CNTNAP4: variants seen among roughly 807,000 people sequenced by gnomAD.
CNTNAP4 encodes the protein contactin associated protein family member 4.
In CNTNAP4, 98 loss-of-function variants were observed where a neutral mutation model predicts 148.4. The observed-to-expected ratio is 0.66, with a 90% CI of 0.56 to 0.78. The LOEUF (loss-of-function observed/expected upper bound fraction) is 0.78. CNTNAP4 is among the 30% of genes least tolerant of loss of function. The pLI is 0.00. For synonymous variants in CNTNAP4, 730 were observed against 565.1 expected (o/e 1.29, Z -4.14); for missense variants, 1,935 against 1,565.6 (o/e 1.24, Z -3.98).
intron 3 of CNTNAP4, among the ~76,000 whole-genome samples, chr16:76,370,671 C>G (rs950060331): frequency 1.3e-5 from 2 of 152,102 alleles, no homozygotes; most frequent in African/African-American, 4.8e-5. Flanking sequence ...ATGAGGACAG[C>G]CTGAAGAAGG....
At chr16:76,473,681 G>A (rs1246309551) in intron 10 of CNTNAP4, among the ~76,000 whole-genome samples, 1 of 152,214 alleles carries the variant, frequency 6.6e-6, no homozygotes, top group South Asian at 2.1e-4. Context: ...GGCTGAGGCA[G>A]GAGAATGGCA....
intron 3 of CNTNAP4, among the ~76,000 whole-genome samples, chr16:76,397,797 T>TTGTGTGTGTG (rs10687638): frequency 6.9e-5 from 10 of 144,204 alleles, no homozygotes; most frequent in African/African-American, 2.3e-4. Flanking sequence ...GTGCATGTGT[T>TTGTGTGTGTG]TGTGTGTGTG....
chr16:76,383,165 A>G (rs2016164006), intron 3 of CNTNAP4, among the ~76,000 whole-genome samples: 2 of 151,910 alleles, frequency 1.3e-5, no homozygotes, highest in African/African-American at 2.4e-5. Context: ...ATATTTAATG[A>G]AAGAAACTTT....
intron 2 of CNTNAP4, among the ~76,000 whole-genome samples, chr16:76,353,978 A>G (rs1014187013): frequency 4.6e-5 from 7 of 152,190 alleles, no homozygotes; most frequent in African/African-American, 1.7e-4. Flanking sequence ...TGGGTCATGT[A>G]TGCCAAGAAT....
At chr16:76,469,433 C>G (rs1448850975) in intron 10 of CNTNAP4, 2 of 152,204 alleles carry the variant, frequency 1.3e-5, no homozygotes, top group Admixed American at 6.5e-5. Flanking sequence ...AGGAGACTTG[C>G]TTACAGAGCA....
chr16:76,475,540 G>A (rs975031056), intron 10 of CNTNAP4, among the ~76,000 whole-genome samples: 2 of 152,144 alleles, frequency 1.3e-5, no homozygotes, highest in African/African-American at 4.8e-5. Context: ...GTATTCCTCT[G>A]TCTTCCTTTT....
In CNTNAP4 at chr16:76,467,466, A is replaced by G. The variant is rs774205500; in HGVS notation, c.1598A>G (p.Gln533Arg). The change falls in exon 10 of 24, where the codon CAG (glutamine) becomes CGG (arginine). Residue 533 changes from glutamine to arginine, a missense_variant. By Grantham distance (43) the Gln-to-Arg change is conservative. Coordinates refer to ENST00000611870, the MANE Select transcript of CNTNAP4 (RefSeq NM_033401.5). ...GKVVDLISVQ[Q>R]GSLGNFSDLQ... Reference sequence around the variant, plus strand: ...GTGGTAGATCTGATTTCAGTTCAGCAGGGGTCCCTTGGGAACTTCAGTGAC... The same window carrying G: ...GTGGTAGATCTGATTTCAGTTCAGCGGGGGTCCCTTGGGAACTTCAGTGAC... The G allele has an allele frequency of 2.8e-5, 45 of 1,613,778 alleles. No homozygotes were observed. The East Asian group carries it at 1.0e-3, about 36-fold the overall frequency.
intron 2 of CNTNAP4, among the ~76,000 whole-genome samples, chr16:76,353,639 C>A (rs1053580375): frequency 3.3e-5 from 5 of 152,068 alleles, no homozygotes; most frequent in African/African-American, 1.2e-4. Flanking sequence ...CCCACCAAGC[C>A]TAGCTAGCTA....
intron 3 of CNTNAP4, among the ~76,000 whole-genome samples, chr16:76,369,740 G>T (rs1441254370): frequency 6.6e-6 from 1 of 152,176 alleles, no homozygotes; most frequent in African/African-American, 2.4e-5. Context: ...TACTCAGGAG[G>T]CTGAGGCAGG....
intron 3 of CNTNAP4, among the ~76,000 whole-genome samples, chr16:76,392,115 T>G (rs1567976746): frequency 6.6e-6 from 1 of 152,122 alleles, no homozygotes; most frequent in Non-Finnish European, 1.5e-5. Context: ...TGCCTCAGCC[T>G]CCCAAGAAGC....
At chr16:76,484,154 A>G (rs558291122) in intron 12 of CNTNAP4, among the ~76,000 whole-genome samples, 1 of 151,386 alleles carries the variant, frequency 6.6e-6, no homozygotes, top group Non-Finnish European at 1.5e-5. Flanking sequence ...CAATTCTAAG[A>G]GACCTGAAGA....
intron 12 of CNTNAP4, among the ~76,000 whole-genome samples, chr16:76,480,390 A>G (rs117057217): frequency 2.0e-3 from 304 of 152,334 alleles, no homozygotes; most frequent in Admixed American, 5.3e-3. Flanking sequence ...GTAATGAAAG[A>G]TGTACAAGGT....
At chr16:76,279,484 A>G (rs1269686107) in intron 1 of CNTNAP4, among the ~76,000 whole-genome samples, 1 of 152,192 alleles carries the variant, frequency 6.6e-6, no homozygotes, top group African/African-American at 2.4e-5. Flanking sequence ...AGATCTGAGG[A>G]GAGTGTAATA....
intron 1 of CNTNAP4, among the ~76,000 whole-genome samples, chr16:76,280,265 C>T (rs1336519136): frequency 6.6e-6 from 1 of 152,076 alleles, no homozygotes; most frequent in Non-Finnish European, 1.5e-5. Flanking sequence ...AAAACCAGTA[C>T]AGCTCAGGGA....
chr16:76,558,492 C>G lies in CNTNAP4; in HGVS notation c.3736C>G (p.Leu1246Val), dbSNP rs750628593. The change falls in exon 24 of 24, where the codon CTG (leucine) becomes GTG (valine). Residue 1246 changes from leucine to valine, a missense_variant and splice_region_variant. By Grantham distance (32) the Leu-to-Val change is conservative. Coordinates refer to ENST00000611870, the MANE Select transcript of CNTNAP4 (RefSeq NM_033401.5). ...IKSDSAVIGG[L>V]IAVVIFILLC... The stretch of plus-strand genomic sequence containing the variant: ...TTATATTTCTTTTCTCTCTCTAGGT[C>G]TGATAGCTGTTGTGATTTTTATCTT... 3 of 1,578,396 alleles carry G rather than the reference C, an allele frequency of 1.9e-6. No individual in the cohort carries two copies. The highest frequency in any genetic ancestry group is 1.7e-5 in the Admixed American group (1 of 59,372).
At chr16:76,282,425 T>A (rs1441729998) in intron 1 of CNTNAP4, among the ~76,000 whole-genome samples, 3 of 151,954 alleles carry the variant, frequency 2.0e-5, no homozygotes, top group Admixed American at 6.6e-5. Flanking sequence ...TTAGATGTTT[T>A]GAACAAAAAT....
chr16:76,286,006 A>C lies in CNTNAP4; in HGVS notation c.85+8259A>C, dbSNP rs548328453. Among the ~76,000 whole-genome samples the C allele has an allele frequency of 1.8e-4, 28 of 152,206 alleles. 1 individual carries two copies. The highest frequency in any genetic ancestry group is 1.8e-3 in the Admixed American group (28 of 15,270). ...ATTTCTAGGCTAATAGCTTTGCTCTAAAAGAGTGCATGTAGATTTATATCT... is the reference window on the plus strand; with the variant it reads ...ATTTCTAGGCTAATAGCTTTGCTCTCAAAGAGTGCATGTAGATTTATATCT... On this transcript the variant is annotated intron_variant, in intron 1 of 23. Transcript: ENST00000611870.
At chr16:76,330,656 C>T (rs180857147) in intron 2 of CNTNAP4, among the ~76,000 whole-genome samples, 2 of 152,190 alleles carry the variant, frequency 1.3e-5, no homozygotes, top group Non-Finnish European at 2.9e-5. Flanking sequence ...TATAGTTTCT[C>T]TTAGCTAGCC....
chr16:76,498,595 A>G lies in CNTNAP4; in HGVS notation c.2266A>G (p.Lys756Glu), dbSNP rs768275378. The G allele has an allele frequency of 1.6e-5, 25 of 1,612,344 alleles. No individual in the cohort carries two copies. Among genetic ancestry groups the G allele is most frequent in the Non-Finnish European group, 2.0e-5 (23 of 1,179,144 alleles). The change falls in exon 15 of 24, where the codon AAA becomes GAA. Residue 756 changes from lysine (K) to glutamate (E), a missense_variant. Lys to Glu is a moderately conservative substitution (Grantham distance 56). Coordinates refer to ENST00000611870, the MANE Select transcript of CNTNAP4 (RefSeq NM_033401.5). ...CAATGACACTGGATTGCTTGCTTAT[A>G]AAGAACATCTTCCAGTAACTAAGAT... Reference protein sequence around the residue: ...WTNDTGLLAYKEHLPVTKIVI... With the variant: ...WTNDTGLLAYEEHLPVTKIVI...
Sources: allele counts gnomAD v4.1 joint callset (sites outside exome capture counted in the v4.1 genomes callset), GRCh38; gene constraint gnomAD v4.1.1; transcripts MANE v1.5; gene names NCBI Gene and HGNC (gene_info 2026-07-23, HGNC 2026-07-21).